The following KLHL8 variants were observed in gnomAD, a reference collection of about 807,000 sequenced individuals.
KLHL8 encodes kelch-like protein 8.
In KLHL8, 38 loss-of-function variants were observed where a neutral mutation model predicts 63.5. That is an observed-to-expected ratio of 0.60 (90% confidence interval 0.46 to 0.78). KLHL8 has a LOEUF of 0.78. Ranked by LOEUF, KLHL8 falls within the 30% of genes least tolerant of loss-of-function variation. The pLI is 0.00. For missense variants in KLHL8, 566 were observed against 752.4 expected (o/e 0.75, Z 2.90); for synonymous variants, 224 against 254.3 (o/e 0.88, Z 1.13).
Position 87,170,631 on chromosome 4 carries a change from A to C in KLHL8, c.1209-16T>G. On this transcript the variant is annotated splice_polypyrimidine_tract_variant and intron_variant, in intron 6 of 9. Coordinates refer to ENST00000273963, the MANE Select transcript of KLHL8 (RefSeq NM_020803.5). ...AATTCCTCGCCTGCAAAGACAATAA[A>C]ACATACTTTAGCAAATGAGTTTGTT... 1 of 1,588,670 alleles carries C rather than the reference A, an allele frequency of 6.3e-7. No individual in the cohort carries two copies. The highest frequency in any genetic ancestry group is 1.9e-5 in the Admixed American group (1 of 52,158).
chr4:87,229,897 T>A (rs1483689423), intron 1 of KLHL8, among the ~76,000 whole-genome samples: 1 of 152,112 alleles, frequency 6.6e-6, no homozygotes, highest in East Asian at 1.9e-4. Flanking sequence ...CCTACCCTTT[T>A]TCTTTAGACA....
At chr4:87,207,539 G>C (rs1732181421) in intron 1 of KLHL8, 1 of 1,038,800 alleles carries the variant, frequency 9.6e-7, no homozygotes, top group African/African-American at 1.6e-5. Context: ...AATGCCTTCT[G>C]CACCACCAAC....
At chr4:87,213,532 A>C (rs1732485489) in intron 1 of KLHL8, among the ~76,000 whole-genome samples, 1 of 152,202 alleles carries the variant, frequency 6.6e-6, no homozygotes, top group Non-Finnish European at 1.5e-5. Flanking sequence ...AGGGGGTAGC[A>C]TGGGATTCAG....
At chr4:87,196,326 A>T (rs956134670) in intron 1 of KLHL8, among the ~76,000 whole-genome samples, 3 of 152,202 alleles carry the variant, frequency 2.0e-5, no homozygotes, top group Non-Finnish European at 4.4e-5. Flanking sequence ...ATAGAGATAT[A>T]CAGTAAAACA....
At chr4:87,167,189 AC>A in intron 8 of KLHL8, 4 of 534,822 alleles carry the variant, frequency 7.5e-6, no homozygotes, top group East Asian at 4.6e-5. Flanking sequence ...CTGTTTATCC[AC>A]CCCCACACTA....
chr4:87,222,666 C>T (rs12505408), upstream of KLHL8, among the ~76,000 whole-genome samples: 38,486 of 152,004 alleles, frequency 0.25, 5,420 homozygotes, highest in Non-Finnish European at 0.31. Flanking sequence ...TCACTGCAAC[C>T]TCCACCTCCC....
At chr4:87,179,907 C>T (rs1730986455) in intron 4 of KLHL8, among the ~76,000 whole-genome samples, 1 of 151,922 alleles carries the variant, frequency 6.6e-6, no homozygotes, top group African/African-American at 2.4e-5. Context: ...ATTGCTGGGC[C>T]TGACTTCCAG....
chr4:87,163,603 T>TC lies in KLHL8; in HGVS notation c.1778dup (p.Ala594SerfsTer11). The TC allele has an allele frequency of 6.2e-7, 1 of 1,614,134 alleles. No individual in the cohort carries two copies. Among genetic ancestry groups the TC allele is most frequent in the Non-Finnish European group, 8.5e-7 (1 of 1,180,012 alleles). ...AACAGGAACACACAGCTACTCCTGCTCCAGCTCTGCAGTGAGACACAGATC... is the reference window on the plus strand; with the variant it reads ...AACAGGAACACACAGCTACTCCTGCTCCCAGCTCTGCAGTGAGACACAGATC... On this transcript the variant is annotated frameshift_variant, in exon 10 of 10. Coordinates refer to ENST00000273963, the MANE Select transcript of KLHL8 (RefSeq NM_020803.5). LOFTEE classifies it high-confidence loss of function.
At chr4:87,191,794 A>T (rs1056963303) in intron 2 of KLHL8, among the ~76,000 whole-genome samples, 2 of 144,260 alleles carry the variant, frequency 1.4e-5, no homozygotes, top group African/African-American at 5.2e-5. Context: ...ATCCACCACT[A>T]TTTTTCCCAT....
At chr4:87,220,295 G>C (rs1329537644) in intron 1 of KLHL8, 123 bp downstream of exon 1, 1 of 152,556 alleles carries the variant, frequency 6.6e-6, no homozygotes, top group African/African-American at 2.4e-5. Context: ...ACCCAAGACG[G>C]GACGGTGTTG....
chr4:87,186,783 T>G (rs1317070084), intron 2 of KLHL8, among the ~76,000 whole-genome samples: 2 of 152,164 alleles, frequency 1.3e-5, no homozygotes, highest in Non-Finnish European at 2.9e-5. Context: ...CCTGGCCTTC[T>G]AAGTGCTTTT....
At chr4:87,222,609 G>GT (rs1485709063), upstream of KLHL8, among the ~76,000 whole-genome samples, 1 of 151,996 alleles carries the variant, frequency 6.6e-6, no homozygotes, top group Non-Finnish European at 1.5e-5. Flanking sequence ...TTGAGACGGA[G>GT]TTTTGCTCTT....
chr4:87,226,959 A>AAT (rs1417538793), intron 1 of KLHL8, among the ~76,000 whole-genome samples: 1 of 76,060 alleles, frequency 1.3e-5, no homozygotes, highest in Non-Finnish European at 2.5e-5. Context: ...ATATATAAGT[A>AAT]ATATATATTA....
At chr4:87,199,078 A>AT (rs1560708089) in intron 1 of KLHL8, among the ~76,000 whole-genome samples, 1 of 152,170 alleles carries the variant, frequency 6.6e-6, no homozygotes, top group African/African-American at 2.4e-5. Context: ...AAACCCAACT[A>AT]TCAAATGCGT....
At chr4:87,172,673 A>G (rs762462515) in intron 6 of KLHL8, among the ~76,000 whole-genome samples, 1 of 152,206 alleles carries the variant, frequency 6.6e-6, no homozygotes, top group East Asian at 1.9e-4. Context: ...GTTTTTGACC[A>G]TACACCTCTG....
At chr4:87,198,334 G>GA (rs967702816) in intron 1 of KLHL8, among the ~76,000 whole-genome samples, 1 of 152,020 alleles carries the variant, frequency 6.6e-6, no homozygotes, top group African/African-American at 2.4e-5. Flanking sequence ...AATAAAATAA[G>GA]AAAAAACACT....
intron 1 of KLHL8, among the ~76,000 whole-genome samples, chr4:87,232,439 A>G (rs1023000245): frequency 5.3e-5 from 8 of 152,226 alleles, no homozygotes; most frequent in Non-Finnish European, 1.0e-4. Flanking sequence ...GTTGATGGAT[A>G]CTTGGATTAC....
Position 87,195,249 on chromosome 4 carries a change from G to T in KLHL8, c.216+75C>A, listed in dbSNP as rs1578383483. 26 of 1,220,312 alleles carry T rather than the reference G, an allele frequency of 2.1e-5. No homozygotes were observed. In the East Asian group the frequency reaches 5.8e-4, roughly 27 times the overall value. The allele number at this position is 1,220,312 out of a possible 1,614,324, so 75.6% of individuals were successfully genotyped here. A position where few individuals can be genotyped will look rare whatever the true frequency, so the allele number is the denominator to read the frequency against. On this transcript the variant is annotated intron_variant, in intron 2 of 9. Coordinates refer to ENST00000273963, the MANE Select transcript of KLHL8 (RefSeq NM_020803.5). ...TATGTATAGCAACAAAATTTGCCTT[G>T]TATGGTTACAGAAACCCCCATTTCT... is the stretch of plus-strand genomic sequence containing the variant.
chr4:87,191,209 C>T (rs1578379951), intron 2 of KLHL8, among the ~76,000 whole-genome samples: 1 of 152,278 alleles, frequency 6.6e-6, no homozygotes, highest in South Asian at 2.1e-4. Flanking sequence ...TGGCTCATGC[C>T]TGTAATCCCA....
Sources: allele counts gnomAD v4.1 joint callset (sites outside exome capture counted in the v4.1 genomes callset), GRCh38; gene constraint gnomAD v4.1.1; transcripts MANE v1.5; gene names NCBI Gene and HGNC (gene_info 2026-07-23, HGNC 2026-07-21).